BRCC3: variants seen among roughly 807,000 people sequenced by gnomAD.
BRCC3 encodes the protein lys-63-specific deubiquitinase BRCC36.
Under a neutral mutation model 28.0 loss-of-function variants are expected in BRCC3, and 15 were observed. That is an observed-to-expected ratio of 0.54 (90% CI 0.36 to 0.82). The LOEUF is 0.82. Ranked by LOEUF, BRCC3 falls within the 40% of genes least tolerant of loss-of-function variation. The pLI is 0.01. For synonymous variants in BRCC3, 66 were observed against 80.3 expected (o/e 0.82, Z 0.95); for missense variants, 109 against 225.9 (o/e 0.48, Z 3.32).
chrX:155,120,701 GC>G (rs2074383812), intron 10 of BRCC3, among the ~76,000 whole-genome samples: 1 of 111,062 alleles, frequency 9.0e-6, no homozygotes, highest in South Asian at 3.8e-4. Context: ...CTCTGAGGGT[GC>G]CCTTTTTAGC....
At chrX:155,082,327 CA>C (rs1435276898) in intron 5 of BRCC3, among the ~76,000 whole-genome samples, 2 of 112,085 alleles carry the variant, frequency 1.8e-5, no homozygotes, top group African/African-American at 3.2e-5. Flanking sequence ...AACCCACTTT[CA>C]AAATTTATTC....
intron 9 of BRCC3, among the ~76,000 whole-genome samples, chrX:155,118,021 A>T (rs1170175525): frequency 8.9e-6 from 1 of 112,401 alleles, no homozygotes. Context: ...CACTTTAGAA[A>T]AGAGGTTGGC....
intron 7 of BRCC3, among the ~76,000 whole-genome samples, chrX:155,095,387 A>C (rs111370526): frequency 0.038 from 4,144 of 110,197 alleles, 73 homozygotes; most frequent in African/African-American, 0.063. Context: ...TGCAACCTCC[A>C]CCTCCCGGGT....
chrX:155,085,597 C>T (rs782011755), intron 5 of BRCC3, among the ~76,000 whole-genome samples: 35 of 112,650 alleles, frequency 3.1e-4, no homozygotes, highest in African/African-American at 1.1e-3. Flanking sequence ...AAGCGACCTC[C>T]AACTTTTTAT....
Position 155,119,990 on chromosome X carries a change from C to G in BRCC3, c.725-9C>G. 1 of 1,194,084 alleles carries G rather than the reference C, an allele frequency of 8.4e-7. No individual in the cohort carries two copies. On this transcript the variant is annotated splice_polypyrimidine_tract_variant and intron_variant, in intron 9 of 10. Transcript: ENST00000330045. ...ACAATTATTCTCATCTTTATTTTTC[C>G]TATTGAAGTGTTTACCAAGAATCTG... is the stretch of plus-strand genomic sequence containing the variant.
chrX:155,106,620 G>A (rs5986907), intron 7 of BRCC3, among the ~76,000 whole-genome samples: 1,146 of 112,450 alleles, frequency 0.01, 13 homozygotes, highest in African/African-American at 0.035. Context: ...AATCATAAGT[G>A]CTATCAGAAA....
In BRCC3 at chrX:155,116,703, T is replaced by C; in HGVS notation, c.681-8T>C. ...TTTGCCACTAACCTAAACTATTTTA[T>C]TCTTTAGCCTTACACATCTGGACTC... On this transcript the variant is annotated splice_region_variant and splice_polypyrimidine_tract_variant and intron_variant, in intron 8 of 10. Transcript: ENST00000330045. 8.6e-7 allele frequency: 1 copy of C among 1,167,493 alleles called. No individual in the cohort carries two copies. The highest frequency in any genetic ancestry group is 1.2e-6 in the Non-Finnish European group (1 of 865,650).
chrX:155,115,958 A>T, intron 7 of BRCC3, 99 bp from the exon 8 acceptor site: 1 of 830,921 alleles, frequency 1.2e-6, no homozygotes, highest in Non-Finnish European at 1.7e-6. Flanking sequence ...CTTAATCTTT[A>T]AAGTATGCCA....
At chrX:155,086,743 C>A (rs181271250) in intron 5 of BRCC3, among the ~76,000 whole-genome samples, 16 of 112,036 alleles carry the variant, frequency 1.4e-4, no homozygotes, top group African/African-American at 5.2e-4. Flanking sequence ...TCTCGAATTA[C>A]CCTAGTGTTG....
chrX:155,106,268 G>GT (rs1167001859), intron 7 of BRCC3, among the ~76,000 whole-genome samples: 5 of 110,553 alleles, frequency 4.5e-5, no homozygotes, highest in Non-Finnish European at 7.6e-5. Flanking sequence ...CTTTGTTAAT[G>GT]TTTTTTTTCT....
chrX:155,073,316 T>G, intron 2 of BRCC3, 61 bp from the exon 3 acceptor site: 1 of 1,117,681 alleles, frequency 8.9e-7, no homozygotes, highest in Non-Finnish European at 1.2e-6. Context: ...TATTTTGCTT[T>G]AATTCCTTTT....
intron 3 of BRCC3, among the ~76,000 whole-genome samples, chrX:155,075,285 C>CATTGT (rs1569560412): frequency 1.4e-4 from 7 of 50,594 alleles, no homozygotes; most frequent in African/African-American, 9.7e-4. Context: ...GCTAAGCCCA[C>CATTGT]TCTTTCCCCT....
At chrX:155,081,877 C>T (rs1191171292) in intron 5 of BRCC3, among the ~76,000 whole-genome samples, 4 of 111,360 alleles carry the variant, frequency 3.6e-5, no homozygotes, top group African/African-American at 1.3e-4. Flanking sequence ...TCCTGCTGTC[C>T]TGGACCTTAA....
At chrX:155,088,998 G>A (rs1358384307) in intron 5 of BRCC3, among the ~76,000 whole-genome samples, 1 of 111,856 alleles carries the variant, frequency 8.9e-6, no homozygotes, top group Admixed American at 9.5e-5. Flanking sequence ...TTCCATAGCA[G>A]AGCTACTCTT....
chrX:155,097,852 T>C (rs1007187234), intron 7 of BRCC3, among the ~76,000 whole-genome samples: 1 of 111,747 alleles, frequency 8.9e-6, no homozygotes, highest in African/African-American at 3.3e-5. Context: ...AAAAATTAGC[T>C]GGGCGTGGTG....
At chrX:155,095,445 C>T (rs1254022532) in intron 7 of BRCC3, among the ~76,000 whole-genome samples, 2 of 110,553 alleles carry the variant, frequency 1.8e-5, no homozygotes, top group African/African-American at 6.6e-5. Flanking sequence ...GGATTACAGG[C>T]GTGCACCACC....
At chrX:155,097,485 A>G (rs1444088377) in intron 7 of BRCC3, among the ~76,000 whole-genome samples, 1 of 111,933 alleles carries the variant, frequency 8.9e-6, no homozygotes, top group African/African-American at 3.2e-5. Flanking sequence ...CAAAGATAGA[A>G]AACAGTATAG....
rs1326534351 is a variant in BRCC3 at position 155,074,648 on chromosome X, A to G, written c.195+1217A>G. Among the ~76,000 whole-genome samples, 5 of 112,479 alleles carry G rather than the reference A, an allele frequency of 4.4e-5. No individual in the cohort carries two copies. The East Asian group carries it at 1.4e-3, about 31-fold the overall frequency. ...CACCCTGGGCATCAGTTACTAAGAT[A>G]CATTCCAATCTTAATAATGTAATTT... On this transcript the variant is annotated intron_variant, in intron 3 of 10. Coordinates refer to ENST00000330045, the MANE Select transcript of BRCC3 (RefSeq NM_001018055.3).
rs150648725 is a variant in BRCC3 at position 155,105,468 on chromosome X, G to A, written c.549-10589G>A. ...ACTGCCCTCCAGCCTGGGCGACAGA[G>A]TGAGGGAAAATAATAATTAAAAAAA... On this transcript the variant is annotated intron_variant, in intron 7 of 10. Coordinates refer to ENST00000330045, the MANE Select transcript of BRCC3 (RefSeq NM_001018055.3). Among the ~76,000 whole-genome samples, 835 of 111,555 alleles carry A rather than the reference G, an allele frequency of 7.5e-3. 9 individuals carry two copies. Among genetic ancestry groups the A allele is most frequent in the African/African-American group, 0.025 (762 of 30,675 alleles).
Sources: allele counts gnomAD v4.1 joint callset (sites outside exome capture counted in the v4.1 genomes callset), GRCh38; gene constraint gnomAD v4.1.1; transcripts MANE v1.5; gene names NCBI Gene and HGNC (gene_info 2026-07-23, HGNC 2026-07-21).